ITPK1: variants seen among roughly 807,000 people sequenced by gnomAD.
ITPK1 encodes the protein inositol 1,3,4-trisphosphate 5/6-kinase.
A neutral mutation model predicts 45.3 loss-of-function variants in ITPK1; 21 were observed. That is an observed-to-expected ratio of 0.46 (90% CI 0.33 to 0.67). The LOEUF is 0.67. ITPK1 is among the 30% of genes least tolerant of loss of function. ITPK1 has a pLI of 0.02. For synonymous variants in ITPK1, 258 were observed against 253.6 expected (o/e 1.02, Z -0.16); for missense variants, 474 against 573.5 (o/e 0.83, Z 1.77).
chr14:92,962,293 T>A, intron 7 of ITPK1, 62 bp downstream of exon 7: 1 of 1,205,292 alleles, frequency 8.3e-7, no homozygotes, highest in Non-Finnish European at 1.2e-6. Context: ...AGGGTAGCAG[T>A]GAGACACGAT....
intron 9 of ITPK1, among the ~76,000 whole-genome samples, chr14:92,947,222 T>C (rs1887732805): frequency 6.6e-6 from 1 of 152,238 alleles, no homozygotes; most frequent in Non-Finnish European, 1.5e-5. Flanking sequence ...CCCTAAACAA[T>C]GCGGGCTCCC....
At chr14:93,039,523 T>A (rs1331827228) in intron 3 of ITPK1, among the ~76,000 whole-genome samples, 1 of 152,196 alleles carries the variant, frequency 6.6e-6, no homozygotes, top group Non-Finnish European at 1.5e-5. Flanking sequence ...ACCCTGTGCC[T>A]GCTGGAGACT....
At chr14:93,085,613 T>G (rs1484739611) in intron 2 of ITPK1, among the ~76,000 whole-genome samples, 2 of 151,838 alleles carry the variant, frequency 1.3e-5, no homozygotes, top group Non-Finnish European at 2.9e-5. Flanking sequence ...CCTTTGAGAC[T>G]CCCCTCCTCA....
At position 93,115,109 on chromosome 14, in the gene ITPK1, T is replaced by A. The variant is rs1206608117; in HGVS notation, c.55A>T (p.Ile19Phe). Residue 19 changes from isoleucine to phenylalanine, a missense_variant, in exon 2 of 11, where the codon ATC becomes TTC. Transcript: ENST00000267615. Reference protein sequence around the residue: ...RVGYWLSEKKIKKLNFQAFAE... With the variant: ...RVGYWLSEKKFKKLNFQAFAE... ...AAGGCCTGGAAATTCAGCTTCTTGA[T>A]TTTCTTCTCGCTCAGCCAGTAGCCA... is the stretch of plus-strand genomic sequence containing the variant. 3.1e-6 allele frequency: 5 copies of A among 1,602,668 alleles called. No individual in the cohort carries two copies. In the East Asian group the frequency reaches 1.2e-4, roughly 37 times the overall value.
intron 3 of ITPK1, among the ~76,000 whole-genome samples, chr14:93,055,753 G>GA (rs1399815410): frequency 1.3e-5 from 2 of 152,190 alleles, no homozygotes; most frequent in African/African-American, 4.8e-5. Context: ...GCCTCAGGTA[G>GA]AAACTGAAGG....
chr14:93,075,163 C>A (rs988678222), intron 3 of ITPK1, among the ~76,000 whole-genome samples: 6 of 151,654 alleles, frequency 4.0e-5, no homozygotes, highest in Non-Finnish European at 8.8e-5. Context: ...CCCATCTCTA[C>A]TAAAAACACA....
intron 8 of ITPK1, among the ~76,000 whole-genome samples, chr14:92,955,750 G>A (rs1476968642): frequency 6.6e-6 from 1 of 152,238 alleles, no homozygotes; most frequent in African/African-American, 2.4e-5. Flanking sequence ...CTCTATCCCA[G>A]GTCCAGAAAA....
At chr14:92,948,103 A>T (rs1887771585) in intron 9 of ITPK1, among the ~76,000 whole-genome samples, 1 of 152,148 alleles carries the variant, frequency 6.6e-6, no homozygotes. Flanking sequence ...AAGCTCATAT[A>T]TTGTGTGATT....
At chr14:92,942,907 A>G (rs951691480) in intron 10 of ITPK1, among the ~76,000 whole-genome samples, 1 of 152,244 alleles carries the variant, frequency 6.6e-6, no homozygotes, top group African/African-American at 2.4e-5. Context: ...GACAACATTT[A>G]CAACCATCAG....
intron 2 of ITPK1, among the ~76,000 whole-genome samples, chr14:93,092,330 C>T (rs1436238132): frequency 6.6e-6 from 1 of 152,196 alleles, no homozygotes; most frequent in Non-Finnish European, 1.5e-5. Context: ...CTCCTGACCC[C>T]CAGACCTGAG....
At chr14:92,993,398 AG>A (rs1281555104) in intron 5 of ITPK1, among the ~76,000 whole-genome samples, 2 of 152,194 alleles carry the variant, frequency 1.3e-5, no homozygotes, top group African/African-American at 4.8e-5. Context: ...TGCAGCTGGC[AG>A]GGGAGGCGCC....
intron 3 of ITPK1, among the ~76,000 whole-genome samples, chr14:93,020,440 T>C (rs1888410968): frequency 6.6e-6 from 1 of 152,190 alleles, no homozygotes; most frequent in South Asian, 2.1e-4. Context: ...AGTCATAAAA[T>C]GAGGATGCTA....
At chr14:93,039,479 CA>C (rs989498932) in intron 3 of ITPK1, among the ~76,000 whole-genome samples, 1 of 151,618 alleles carries the variant, frequency 6.6e-6, no homozygotes, top group African/African-American at 2.4e-5. Flanking sequence ...CCCTTGTCTA[CA>C]AAAAAAAATT....
At chr14:93,037,936 G>A (rs1381726980) in intron 3 of ITPK1, among the ~76,000 whole-genome samples, 2 of 152,030 alleles carry the variant, frequency 1.3e-5, no homozygotes, top group Admixed American at 6.6e-5. Context: ...ATTACATAAC[G>A]TACTCCTCCA....
At chr14:93,005,769 T>C (rs1238857064) in intron 4 of ITPK1, among the ~76,000 whole-genome samples, 1 of 152,184 alleles carries the variant, frequency 6.6e-6, no homozygotes, top group Non-Finnish European at 1.5e-5. Flanking sequence ...CAAAAATACA[T>C]GTACTAGGCT....
At chr14:92,989,490 T>C (rs1322883742) in intron 5 of ITPK1, among the ~76,000 whole-genome samples, 1 of 152,164 alleles carries the variant, frequency 6.6e-6, no homozygotes, top group Non-Finnish European at 1.5e-5. Flanking sequence ...TGCCTTCTCA[T>C]ACATGGTGCC....
chr14:93,111,216 G>A (rs939511021), intron 2 of ITPK1, among the ~76,000 whole-genome samples: 6 of 152,182 alleles, frequency 3.9e-5, no homozygotes, highest in Non-Finnish European at 8.8e-5. Context: ...CTCCTGCAAC[G>A]TAGGTTCAGC....
intron 3 of ITPK1, among the ~76,000 whole-genome samples, chr14:93,027,652 T>A (rs2048021525): frequency 6.6e-6 from 1 of 152,178 alleles, no homozygotes; most frequent in African/African-American, 2.4e-5. Context: ...TGTGTACACG[T>A]GCCTCAGGAC....
intron 5 of ITPK1, among the ~76,000 whole-genome samples, chr14:92,976,012 G>T (rs143671266): frequency 8.7e-4 from 133 of 152,330 alleles, no homozygotes; most frequent in Middle Eastern, 6.8e-3. Context: ...GCCATGTGAA[G>T]AAGGGCATGT....
Sources: allele counts gnomAD v4.1 joint callset (sites outside exome capture counted in the v4.1 genomes callset), GRCh38; gene constraint gnomAD v4.1.1; transcripts MANE v1.5; gene names NCBI Gene and HGNC (gene_info 2026-07-23, HGNC 2026-07-21).